BCKDHB: variants seen among roughly 807,000 people sequenced by gnomAD.
BCKDHB encodes branched chain keto acid dehydrogenase E1 subunit beta.
Under a neutral mutation model 48.5 loss-of-function variants are expected in BCKDHB, and 41 were observed. That is an observed-to-expected ratio of 0.85 (90% CI 0.66 to 1.10). The LOEUF is 1.10. BCKDHB is among the 50% of genes least tolerant of loss of function. The pLI, the probability that BCKDHB is intolerant of heterozygous loss-of-function variation, is 0.00. For missense variants in BCKDHB, 496 were observed against 494.2 expected (o/e 1.00, Z -0.03); for synonymous variants, 201 against 174.8 (o/e 1.15, Z -1.18).
the BCKDHB span, among the ~76,000 whole-genome samples, chr6:80,405,997 C>T: frequency 2.0e-5 from 3 of 152,132 alleles, no homozygotes; most frequent in African/African-American, 7.2e-5. Context: ...CCCACCAGGC[C>T]CCAGGGTGTG....
At position 80,147,786 on chromosome 6, in the gene BCKDHB, T is replaced by G. The variant is rs576826239; in HGVS notation, c.343+18557T>G. ...AGAAGTTTCCAGAAGCAGCAGCTGC[T>G]GCAGGTCTGAGAACCACAGCACCTA... On this transcript the variant is annotated intron_variant, in intron 3 of 9. Transcript: ENST00000320393. Among the ~76,000 whole-genome samples the G allele has an allele frequency of 2.0e-5, 3 of 152,254 alleles. No individual in the cohort carries two copies. In the East Asian group the frequency reaches 5.8e-4, roughly 29 times the overall value.
intron 8 of BCKDHB, among the ~76,000 whole-genome samples, chr6:80,206,858 A>G (rs908166965): frequency 2.0e-5 from 3 of 152,052 alleles, no homozygotes; most frequent in Admixed American, 6.6e-5. Flanking sequence ...TCTCATGAAG[A>G]TTTCAGAACA....
chr6:80,121,602 G>A (rs137893439), intron 1 of BCKDHB, among the ~76,000 whole-genome samples: 77 of 152,170 alleles, frequency 5.1e-4, no homozygotes, highest in South Asian at 1.7e-3. Flanking sequence ...GGATTCCTAG[G>A]TATTTTATTT....
chr6:80,142,749 T>C (rs998924113), intron 3 of BCKDHB, among the ~76,000 whole-genome samples: 3 of 152,146 alleles, frequency 2.0e-5, no homozygotes, highest in East Asian at 1.9e-4. Context: ...ATTTATCTTT[T>C]GTCAGAGTCA....
the BCKDHB span, among the ~76,000 whole-genome samples, chr6:80,456,915 A>T: frequency 6.6e-6 from 1 of 152,218 alleles, no homozygotes; most frequent in South Asian, 2.1e-4. Flanking sequence ...CATGGAGGAA[A>T]ATATGAGTTC....
the BCKDHB span, among the ~76,000 whole-genome samples, chr6:80,392,473 G>A: frequency 6.6e-6 from 1 of 150,722 alleles, no homozygotes; most frequent in Non-Finnish European, 1.5e-5. Context: ...TCATCCCATT[G>A]TACCTTTCCT....
At chr6:80,125,194 C>G (rs1007375188) in intron 1 of BCKDHB, among the ~76,000 whole-genome samples, 2 of 152,164 alleles carry the variant, frequency 1.3e-5, no homozygotes, top group Admixed American at 1.3e-4. Flanking sequence ...GAGATGGCTT[C>G]TCTTCTTAAA....
At chr6:80,418,862 G>T in the BCKDHB span, among the ~76,000 whole-genome samples, 44 of 152,320 alleles carry the variant, frequency 2.9e-4, 1 homozygote, top group South Asian at 6.4e-3. Flanking sequence ...GGTAGCAGAG[G>T]TAATACAGCT....
chr6:80,456,787 T>C, the BCKDHB span, among the ~76,000 whole-genome samples: 50 of 152,200 alleles, frequency 3.3e-4, no homozygotes, highest in Non-Finnish European at 6.5e-4. Context: ...GGGATTCTTA[T>C]GCTCAAAAGC....
chr6:80,336,275 T>C (rs4613773), intron 9 of BCKDHB, among the ~76,000 whole-genome samples: 117,484 of 151,468 alleles, frequency 0.78, 45,950 homozygotes, highest in Admixed American at 0.84. Flanking sequence ...GAATTTGAAC[T>C]ACTAATTATT....
At chr6:80,387,209 A>G in the BCKDHB span, among the ~76,000 whole-genome samples, 1 of 151,868 alleles carries the variant, frequency 6.6e-6, no homozygotes. Flanking sequence ...GGGTTCCTGG[A>G]CTCATCCTGT....
chr6:80,140,306 G>A (rs918337802), intron 3 of BCKDHB, among the ~76,000 whole-genome samples: 5 of 152,144 alleles, frequency 3.3e-5, no homozygotes, highest in African/African-American at 1.2e-4. Flanking sequence ...TCCTTCTCCT[G>A]CCTAATTGCC....
chr6:80,254,060 C>T lies in BCKDHB; in HGVS notation c.952-19075C>T, dbSNP rs111346657. ...ATCAGTATTAGTGTTTATGTTTTATCGAGGCATGTGCAATGTGCCTCAGGT... is the reference window on the plus strand; with the variant it reads ...ATCAGTATTAGTGTTTATGTTTTATTGAGGCATGTGCAATGTGCCTCAGGT... On this transcript the variant is annotated intron_variant, in intron 8 of 9. Transcript: ENST00000320393. Among the ~76,000 whole-genome samples, 164 of 151,872 alleles carry T rather than the reference C, an allele frequency of 1.1e-3. 1 individual carries two copies. Among genetic ancestry groups the T allele is most frequent in the African/African-American group, 3.6e-3 (149 of 41,482 alleles).
At chr6:80,445,807 A>G in the BCKDHB span, among the ~76,000 whole-genome samples, 1 of 152,132 alleles carries the variant, frequency 6.6e-6, no homozygotes, top group Non-Finnish European at 1.5e-5. Flanking sequence ...TACTCTTTAA[A>G]ATTTTATACA....
chr6:80,111,049 G>A (rs779427937), intron 1 of BCKDHB, among the ~76,000 whole-genome samples: 1 of 152,126 alleles, frequency 6.6e-6, no homozygotes, highest in African/African-American at 2.4e-5. Context: ...TTAACAGGGG[G>A]CCTGGGCAGC....
intron 9 of BCKDHB, among the ~76,000 whole-genome samples, chr6:80,343,388 T>G (rs1770019884): frequency 6.6e-6 from 1 of 152,194 alleles, no homozygotes; most frequent in Non-Finnish European, 1.5e-5. Flanking sequence ...CCATTTATAT[T>G]CGTAGAACAG....
At chr6:80,371,026 A>G in the BCKDHB span, among the ~76,000 whole-genome samples, 3 of 152,122 alleles carry the variant, frequency 2.0e-5, no homozygotes, top group African/African-American at 7.2e-5. Flanking sequence ...TGCTGGATCA[A>G]ATGGTATATC....
At chr6:80,184,367 G>A (rs954650862) in intron 6 of BCKDHB, among the ~76,000 whole-genome samples, 2 of 152,098 alleles carry the variant, frequency 1.3e-5, no homozygotes, top group African/African-American at 4.8e-5. Flanking sequence ...AAGACAGACA[G>A]TAGATACTTG....
chr6:80,167,945 G>A, intron 4 of BCKDHB, 134 bp downstream of exon 4: 2 of 1,005,204 alleles, frequency 2.0e-6, no homozygotes, highest in Non-Finnish European at 3.0e-6. Context: ...TTATAATTTT[G>A]TTATGAGCAT....
Sources: allele counts gnomAD v4.1 joint callset (sites outside exome capture counted in the v4.1 genomes callset), GRCh38; gene constraint gnomAD v4.1.1; transcripts MANE v1.5; gene names NCBI Gene and HGNC (gene_info 2026-07-23, HGNC 2026-07-21).